The following CCL28 variants were observed in gnomAD, a reference collection of about 807,000 sequenced individuals.
CCL28 encodes C-C motif chemokine 28.
In CCL28, 4 loss-of-function variants were observed where a neutral mutation model predicts 7.1. The observed-to-expected ratio is 0.56, with a 90% CI of 0.28 to 1.29. CCL28 has a LOEUF of 1.29. Among genes scored for constraint, CCL28 ranks in the 50% most tolerant of loss-of-function variants. CCL28 has a pLI of 0.11. For missense variants in CCL28, 151 were observed against 163.4 expected, an observed-to-expected ratio of 0.92 and a Z score of 0.41; for synonymous variants, 55 against 57.8, an observed-to-expected ratio of 0.95 and a Z score of 0.22.
intron 1 of CCL28, among the ~76,000 whole-genome samples, chr5:43,411,102 A>C (rs1741519514): frequency 6.6e-6 from 1 of 152,234 alleles, no homozygotes; most frequent in Admixed American, 6.5e-5. Flanking sequence ...CATTGTTGCC[A>C]CATCTGATTT....
chr5:43,372,662 C>T (rs796883647), downstream of CCL28, among the ~76,000 whole-genome samples: 2 of 152,214 alleles, frequency 1.3e-5, no homozygotes, highest in African/African-American at 4.8e-5. Context: ...AGCCACCATG[C>T]CCAGCCAAAT....
At chr5:43,387,817 G>T (rs1469446385) in intron 2 of CCL28, among the ~76,000 whole-genome samples, 1 of 151,930 alleles carries the variant, frequency 6.6e-6, no homozygotes. Flanking sequence ...GTAGAGATGG[G>T]GTCTCACCAT....
chr5:43,359,470 G>A, the CCL28 span, among the ~76,000 whole-genome samples: 1 of 152,190 alleles, frequency 6.6e-6, no homozygotes, highest in Non-Finnish European at 1.5e-5. Flanking sequence ...ACCTTTAAGT[G>A]GTTTTCTGCC....
intron 1 of CCL28, among the ~76,000 whole-genome samples, chr5:43,403,773 A>G (rs898555956): frequency 6.6e-6 from 1 of 152,224 alleles, no homozygotes; most frequent in African/African-American, 2.4e-5. Flanking sequence ...AAAAGATTAG[A>G]TGAATGGCTA....
At chr5:43,408,915 G>T (rs1453450579) in intron 1 of CCL28, among the ~76,000 whole-genome samples, 1 of 139,220 alleles carries the variant, frequency 7.2e-6, no homozygotes. Flanking sequence ...TTTGAAATGA[G>T]AGTCTCACTC....
rs1160330553 is a variant in CCL28 at position 43,382,000 on chromosome 5, T to G, written c.244A>C (p.Lys82Gln). The stretch of plus-strand genomic sequence containing the variant: ...GCAGCTTGCACTTTCATCCACTGCT[T>G]AACAGTATGGTTGTGCGGGCTGACA... ...ICVSPHNHTVKQWMKVQAAKK... is the reference protein window; with the variant it reads ...ICVSPHNHTVQQWMKVQAAKK... Residue 82 changes from lysine (K) to glutamine (Q), a missense_variant, in exon 3 of 3, where the codon AAG becomes CAG. Lys to Gln is a moderately conservative substitution (Grantham distance 53, BLOSUM62 1). Transcript: ENST00000361115. 1.9e-6 allele frequency: 3 copies of G among 1,614,204 alleles called. No individual in the cohort carries two copies. Among genetic ancestry groups the G allele is most frequent in the Non-Finnish European group, 2.5e-6 (3 of 1,180,032 alleles).
chr5:43,390,560 G>A (rs10056437), intron 1 of CCL28, among the ~76,000 whole-genome samples: 10,467 of 152,250 alleles, frequency 0.069, 860 homozygotes, highest in African/African-American at 0.2. Context: ...CAGCAGATGC[G>A]TTTCCCAGCT....
Position 43,412,363 on chromosome 5 carries a change from C to T in CCL28, c.-47G>A, listed in dbSNP as rs186035152. 18 of 1,560,766 alleles carry T rather than the reference C, an allele frequency of 1.2e-5. No homozygotes were observed. Among genetic ancestry groups the T allele is most frequent in the South Asian group, 2.3e-5 (2 of 88,000 alleles). On this transcript the variant is annotated 5_prime_UTR_variant, in exon 1 of 3. Coordinates refer to ENST00000361115, the MANE Select transcript of CCL28 (RefSeq NM_148672.3). ...TGACAGCAACACAAGTGAGGCTGTT[C>T]GATCAGGAAATGAGGCTAAAGGTGT... is the stretch of plus-strand genomic sequence containing the variant.
intron 2 of CCL28, 101 bp from the exon 3 acceptor site, chr5:43,382,153 T>G: frequency 7.0e-6 from 7 of 1,003,598 alleles, no homozygotes; most frequent in Non-Finnish European, 1.0e-5. Flanking sequence ...ACTGTATTCC[T>G]AGAGACTAAA....
At chr5:43,358,433 G>A in the CCL28 span, among the ~76,000 whole-genome samples, 6 of 152,334 alleles carry the variant, frequency 3.9e-5, no homozygotes, top group South Asian at 1.0e-3. Context: ...ACTTGCTTAT[G>A]TCAGCCAAAA....
chr5:43,379,393 A>G lies in CCL28; in HGVS notation c.*2467T>C, dbSNP rs1018517002. 2 of 152,064 alleles carry G rather than the reference A, an allele frequency of 1.3e-5. No homozygotes were observed. Among genetic ancestry groups the G allele is most frequent in the African/African-American group, 4.8e-5 (2 of 41,406 alleles). The allele number at this position is 152,064 out of a possible 1,614,324, so 9.4% of individuals were successfully genotyped here. A position where few individuals can be genotyped will look rare whatever the true frequency, so the allele number is the denominator to read the frequency against. ...GTTACTCTCATATTATATTTTATTA[A>G]TTTTTTCTTATTTAAAAAGCTTGTC... On this transcript the variant is annotated 3_prime_UTR_variant, in exon 3 of 3. Coordinates refer to ENST00000361115, the MANE Select transcript of CCL28 (RefSeq NM_148672.3).
At chr5:43,372,367 TTTTG>T (rs888099690), downstream of CCL28, among the ~76,000 whole-genome samples, 1 of 152,256 alleles carries the variant, frequency 6.6e-6, no homozygotes, top group South Asian at 2.1e-4. Flanking sequence ...ATTCTTTTTG[TTTTG>T]TTTGTTTGTT....
rs1740094727 is a variant in CCL28 at position 43,381,085 on chromosome 5, AG to A, written c.*774del. On this transcript the variant is annotated 3_prime_UTR_variant, in exon 3 of 3. Transcript: ENST00000361115. ...GGTATGTCAAGTTATAACACCAAAA[AG>A]AAACTAGGGGTGAAGTGTCATGATT... The A allele has an allele frequency of 1.3e-5, 2 of 152,086 alleles. No individual in the cohort carries two copies. The highest frequency in any genetic ancestry group is 2.9e-5 in the Non-Finnish European group (2 of 68,002). The allele number at this position is 152,086 out of a possible 1,614,324, so 9.4% of individuals were successfully genotyped here. A position where few individuals can be genotyped will look rare whatever the true frequency, so the allele number is the denominator to read the frequency against.
chr5:43,393,956 A>T (rs1238101214), intron 1 of CCL28, among the ~76,000 whole-genome samples: 1 of 152,060 alleles, frequency 6.6e-6, no homozygotes, highest in East Asian at 1.9e-4. Context: ...TTCTGTTCCA[A>T]TTTCATAGTC....
At chr5:43,372,810 A>G (rs945607897), downstream of CCL28, among the ~76,000 whole-genome samples, 2 of 81,408 alleles carry the variant, frequency 2.5e-5, no homozygotes, top group Non-Finnish European at 5.4e-5. Context: ...ACTTTATTTT[A>G]TTTTTTGAGA....
chr5:43,370,730 C>T, the CCL28 span, among the ~76,000 whole-genome samples: 1 of 102,850 alleles, frequency 9.7e-6, no homozygotes, highest in Non-Finnish European at 2.1e-5. Flanking sequence ...CTTCCTTTAT[C>T]TCTCTTTCTC....
chr5:43,388,540 A>C, intron 1 of CCL28, 64 bp from the exon 2 acceptor site: 1 of 1,482,220 alleles, frequency 6.7e-7, no homozygotes, highest in East Asian at 2.3e-5. Flanking sequence ...CATGGTTCTC[A>C]TTTTAAAGAT....
rs181915764 is a variant in CCL28 at position 43,408,072 on chromosome 5, G to T, written c.64+4181C>A. The stretch of plus-strand genomic sequence containing the variant: ...CTAAACTAGTTCAACAATTGTGGAA[G>T]ACAGTGTGGTGATTTCTCAAGGATC... On this transcript the variant is annotated intron_variant, in intron 1 of 2. Coordinates refer to ENST00000361115, the MANE Select transcript of CCL28 (RefSeq NM_148672.3). Among the ~76,000 whole-genome samples, 70 of 152,356 alleles carry T rather than the reference G, an allele frequency of 4.6e-4. 1 individual carries two copies. The highest frequency in any genetic ancestry group is 1.6e-3 in the African/African-American group (68 of 41,592).
chr5:43,364,576 T>C, the CCL28 span, among the ~76,000 whole-genome samples: 2 of 152,132 alleles, frequency 1.3e-5, no homozygotes, highest in Admixed American at 6.5e-5. Flanking sequence ...CTCAAAATAA[T>C]TTTATCATAG....
Sources: gnomAD v4.1 joint callset for allele counts (sites outside exome capture counted in the v4.1 genomes callset) on GRCh38, gnomAD v4.1.1 for gene constraint, MANE v1.5 for transcripts, NCBI Gene and HGNC (gene_info 2026-07-23, HGNC 2026-07-21) for gene names.